Variants in CCSER1 observed in about 807,000 individuals in gnomAD.
CCSER1 encodes the protein serine-rich coiled-coil domain-containing protein 1.
CCSER1 carries 41 observed loss-of-function variants against 82.0 expected under a neutral mutation model. The ratio of observed to expected loss-of-function variants is 0.50; its 90% CI spans 0.39 to 0.65. The LOEUF is 0.65. CCSER1 is among the 30% of genes least tolerant of loss of function. The pLI is 0.00. For synonymous variants in CCSER1, 414 were observed against 383.9 expected, an observed-to-expected ratio of 1.08 and a Z score of -0.92; for missense variants, 1,119 against 1,064.2, an observed-to-expected ratio of 1.05 and a Z score of -0.72.
chr4:90,443,176 G>C (rs1477523541), intron 4 of CCSER1, among the ~76,000 whole-genome samples: 2 of 152,036 alleles, frequency 1.3e-5, no homozygotes, highest in Non-Finnish European at 2.9e-5. Flanking sequence ...ATGGATCTTA[G>C]GAACCTCAGC....
chr4:91,058,092 T>G (rs138776887), intron 9 of CCSER1, among the ~76,000 whole-genome samples: 39 of 152,180 alleles, frequency 2.6e-4, no homozygotes, highest in African/African-American at 8.7e-4. Flanking sequence ...CATGGGGGTT[T>G]TACAGATTAT....
At chr4:90,621,369 AG>A (rs1198905236) in intron 5 of CCSER1, among the ~76,000 whole-genome samples, 1 of 152,114 alleles carries the variant, frequency 6.6e-6, no homozygotes, top group African/African-American at 2.4e-5. Context: ...AGCAGGAAGG[AG>A]GTATAAAATG....
intron 8 of CCSER1, among the ~76,000 whole-genome samples, chr4:90,904,171 G>A (rs984240616): frequency 1.3e-5 from 2 of 151,998 alleles, no homozygotes; most frequent in African/African-American, 4.8e-5. Flanking sequence ...AGGACAATTT[G>A]ATTTATCTTA....
In CCSER1 at chr4:91,080,324, A is replaced by G. The variant is rs555111607; in HGVS notation, c.2173-5626A>G. Among the ~76,000 whole-genome samples the G allele has an allele frequency of 1.5e-3, 233 of 152,346 alleles. 1 individual carries two copies. The highest frequency in any genetic ancestry group is 5.2e-3 in the African/African-American group (216 of 41,580). On this transcript the variant is annotated intron_variant, in intron 9 of 10. Coordinates refer to ENST00000509176, the MANE Select transcript of CCSER1 (RefSeq NM_001145065.2). ...ACCTGCTCCTGAATGACTACTGGGT[A>G]CATAAAGAAATGAAGGTAGAAATGA... is the stretch of plus-strand genomic sequence containing the variant.
chr4:91,161,389 C>T (rs1260504049), intron 10 of CCSER1, among the ~76,000 whole-genome samples: 3 of 152,036 alleles, frequency 2.0e-5, no homozygotes, highest in Non-Finnish European at 4.4e-5. Flanking sequence ...AATGTGGGCT[C>T]TTTTTTGGTT....
chr4:91,380,958 T>G (rs2149337401), intron 10 of CCSER1, among the ~76,000 whole-genome samples: 1 of 152,302 alleles, frequency 6.6e-6, no homozygotes, highest in South Asian at 2.1e-4. Context: ...ACAAAATCTC[T>G]CAGCATTTGC....
intron 5 of CCSER1, among the ~76,000 whole-genome samples, chr4:90,616,731 ACACACAC>A (rs1395134173): frequency 5.9e-3 from 472 of 79,982 alleles, no homozygotes; most frequent in African/African-American, 0.024. Flanking sequence ...ACACACACAC[ACACACAC>A]AAATAAAATA....
At chr4:90,662,413 T>C (rs551592596) in intron 6 of CCSER1, among the ~76,000 whole-genome samples, 1 of 152,288 alleles carries the variant, frequency 6.6e-6, no homozygotes, top group Non-Finnish European at 1.5e-5. Flanking sequence ...CTATATTATA[T>C]GGAATAAGTC....
chr4:90,865,691 A>G (rs12642829), intron 8 of CCSER1, among the ~76,000 whole-genome samples: 8,067 of 151,986 alleles, frequency 0.053, 371 homozygotes, highest in East Asian at 0.23. Context: ...AAGATGTTAT[A>G]AATCATTTAA....
intron 1 of CCSER1, among the ~76,000 whole-genome samples, chr4:90,151,871 G>T (rs1726933606): frequency 6.6e-6 from 1 of 152,092 alleles, no homozygotes; most frequent in African/African-American, 2.4e-5. Context: ...TAAAGGGCTT[G>T]CAGTCTAAGG....
At chr4:90,582,991 C>T (rs1781574864) in intron 5 of CCSER1, among the ~76,000 whole-genome samples, 1 of 152,074 alleles carries the variant, frequency 6.6e-6, no homozygotes, top group Non-Finnish European at 1.5e-5. Context: ...TTTTTCAGTT[C>T]TTAAATACAT....
chr4:90,461,119 G>A (rs1354543343), intron 4 of CCSER1, among the ~76,000 whole-genome samples: 1 of 94,686 alleles, frequency 1.1e-5, no homozygotes, highest in Non-Finnish European at 1.9e-5. Flanking sequence ...AGGCTGGAGT[G>A]CAGTGGCGGG....
rs370752427 is a variant in CCSER1, at chr4:90,708,314, A to G, written c.1933-15600A>G. On this transcript the variant is annotated intron_variant, in intron 6 of 10. Coordinates refer to ENST00000509176, the MANE Select transcript of CCSER1 (RefSeq NM_001145065.2). ...CTCAGACCTTAGCAGTAAAAAGCCA[A>G]CTGTACAACTGCTGAGCAGAACACA... is the stretch of plus-strand genomic sequence containing the variant. Among the ~76,000 whole-genome samples the G allele has an allele frequency of 2.4e-4, 36 of 152,280 alleles. No individual in the cohort carries two copies. In the East Asian group the frequency reaches 6.2e-3, roughly 26 times the overall value.
intron 8 of CCSER1, among the ~76,000 whole-genome samples, chr4:90,823,475 G>C (rs1249239542): frequency 6.6e-6 from 1 of 152,026 alleles, no homozygotes; most frequent in Non-Finnish European, 1.5e-5. Flanking sequence ...AATTTGAGGT[G>C]CTACTTATTA....
chr4:90,171,195 CA>C (rs1731601741), intron 1 of CCSER1, among the ~76,000 whole-genome samples: 1 of 116,012 alleles, frequency 8.6e-6, no homozygotes, highest in Non-Finnish European at 1.7e-5. Flanking sequence ...AAATAAAATA[CA>C]GGAATATATT....
intron 3 of CCSER1, among the ~76,000 whole-genome samples, chr4:90,344,197 A>G (rs931325132): frequency 1.3e-5 from 2 of 152,144 alleles, no homozygotes; most frequent in African/African-American, 2.4e-5. Context: ...AGTTCCATCC[A>G]TGTTGTTCCA....
chr4:90,521,578 A>C (rs1445592912), intron 5 of CCSER1, among the ~76,000 whole-genome samples: 1 of 152,160 alleles, frequency 6.6e-6, no homozygotes, highest in Non-Finnish European at 1.5e-5. Context: ...AGAAAAAGAA[A>C]ATGGTAACTA....
chr4:90,572,659 T>C (rs72887422), intron 5 of CCSER1, among the ~76,000 whole-genome samples: 52,631 of 151,692 alleles, frequency 0.35, 9,733 homozygotes, highest in East Asian at 0.51. Context: ...TGTAGTTTTC[T>C]TCTCTGGGAT....
chr4:90,238,841 T>A (rs930888202), intron 1 of CCSER1, among the ~76,000 whole-genome samples: 1 of 152,156 alleles, frequency 6.6e-6, no homozygotes, highest in Non-Finnish European at 1.5e-5. Context: ...CTTGGTGGAT[T>A]TCTTCTAGCA....
Sources: allele counts gnomAD v4.1 joint callset (sites outside exome capture counted in the v4.1 genomes callset), GRCh38; gene constraint gnomAD v4.1.1; transcripts MANE v1.5; gene names NCBI Gene and HGNC (gene_info 2026-07-23, HGNC 2026-07-21).